Variants in CNTNAP2 observed in about 807,000 individuals in gnomAD.
CNTNAP2 encodes the protein contactin-associated protein-like 2.
In CNTNAP2, 98 loss-of-function variants were observed where a neutral mutation model predicts 155.2. That is an observed-to-expected ratio of 0.63 (90% CI 0.54 to 0.75). The LOEUF (loss-of-function observed/expected upper bound fraction) is 0.75, where lower values mean the gene tolerates loss of function less well. Ranked by LOEUF, CNTNAP2 falls within the 30% of genes least tolerant of loss-of-function variation. CNTNAP2 has a pLI of 0.00. For synonymous variants in CNTNAP2, 651 were observed against 631.2 expected (o/e 1.03, Z -0.47); for missense variants, 1,727 against 1,688.1 (o/e 1.02, Z -0.40).
At chr7:146,436,394 A>G (rs536875920) in intron 1 of CNTNAP2, among the ~76,000 whole-genome samples, 2 of 152,162 alleles carry the variant, frequency 1.3e-5, no homozygotes, top group African/African-American at 4.8e-5. Context: ...TGGATTCATA[A>G]TTTTTCACAT....
intron 14 of CNTNAP2, among the ~76,000 whole-genome samples, chr7:147,926,255 A>T (rs940016953): frequency 2.0e-5 from 3 of 152,220 alleles, no homozygotes; most frequent in Non-Finnish European, 4.4e-5. Flanking sequence ...CTCATCCTCC[A>T]TGATGGACCT....
intron 1 of CNTNAP2, among the ~76,000 whole-genome samples, chr7:146,169,479 G>A (rs893892703): frequency 4.6e-5 from 7 of 152,084 alleles, no homozygotes; most frequent in East Asian, 1.9e-4. Context: ...GTTATCTCAC[G>A]TAGTTACCTT....
intron 1 of CNTNAP2, among the ~76,000 whole-genome samples, chr7:146,678,872 T>C (rs1042100047): frequency 1.3e-5 from 2 of 152,192 alleles, no homozygotes; most frequent in Admixed American, 6.5e-5. Context: ...ATACTTATAA[T>C]AAATAATTTG....
chr7:147,811,882 C>T (rs1229896588), intron 13 of CNTNAP2, among the ~76,000 whole-genome samples: 2 of 152,132 alleles, frequency 1.3e-5, no homozygotes, highest in African/African-American at 2.4e-5. Context: ...GTAGAAGAAT[C>T]TCCATGTGGG....
At chr7:146,612,024 C>T (rs1163317611) in intron 1 of CNTNAP2, among the ~76,000 whole-genome samples, 1 of 152,152 alleles carries the variant, frequency 6.6e-6, no homozygotes, top group Non-Finnish European at 1.5e-5. Context: ...GTGTAACTAA[C>T]ACTATCTACA....
intron 13 of CNTNAP2, among the ~76,000 whole-genome samples, chr7:147,850,810 A>C (rs562049272): frequency 6.6e-6 from 1 of 152,364 alleles, no homozygotes; most frequent in East Asian, 1.9e-4. Flanking sequence ...ACCTAAAACC[A>C]TAAAAACTCT....
intron 13 of CNTNAP2, among the ~76,000 whole-genome samples, chr7:147,797,675 A>T (rs936918231): frequency 6.6e-6 from 1 of 152,212 alleles, no homozygotes; most frequent in Non-Finnish European, 1.5e-5. Flanking sequence ...GAGGAATGTA[A>T]TGTAATGCAA....
intron 1 of CNTNAP2, among the ~76,000 whole-genome samples, chr7:146,623,938 G>C (rs1422596481): frequency 6.6e-6 from 1 of 151,830 alleles, no homozygotes; most frequent in Non-Finnish European, 1.5e-5. Context: ...TAGTTTTGTG[G>C]ATGTTCGCCA....
At chr7:148,108,134 G>C (rs1440408244) in intron 15 of CNTNAP2, among the ~76,000 whole-genome samples, 1 of 152,148 alleles carries the variant, frequency 6.6e-6, no homozygotes, top group African/African-American at 2.4e-5. Flanking sequence ...CACCAGGCAG[G>C]GCCTCTACTT....
intron 1 of CNTNAP2, among the ~76,000 whole-genome samples, chr7:146,627,502 G>A (rs181041902): frequency 4.6e-5 from 7 of 152,096 alleles, no homozygotes; most frequent in Admixed American, 2.6e-4. Context: ...TCAAAGTTTA[G>A]AATATACTAA....
At chr7:147,728,206 T>C (rs1411465142) in intron 13 of CNTNAP2, among the ~76,000 whole-genome samples, 1 of 152,022 alleles carries the variant, frequency 6.6e-6, no homozygotes, top group Non-Finnish European at 1.5e-5. Context: ...TGATCAATTC[T>C]TTCAGCTTAG....
At chr7:146,918,787 A>G (rs1796444572) in intron 3 of CNTNAP2, among the ~76,000 whole-genome samples, 1 of 152,206 alleles carries the variant, frequency 6.6e-6, no homozygotes, top group African/African-American at 2.4e-5. Context: ...CCAAACTTTT[A>G]GATTTCTCTT....
chr7:148,264,850 A>G (rs1796638881), intron 20 of CNTNAP2, among the ~76,000 whole-genome samples: 2 of 152,136 alleles, frequency 1.3e-5, no homozygotes, highest in Non-Finnish European at 2.9e-5. Context: ...GAGTGCCACC[A>G]CACCCAGCTA....
intron 1 of CNTNAP2, among the ~76,000 whole-genome samples, chr7:146,702,306 A>C (rs1353840391): frequency 6.6e-6 from 1 of 152,192 alleles, no homozygotes; most frequent in African/African-American, 2.4e-5. Context: ...TCTATAGAAA[A>C]AAATTAAGTA....
chr7:147,403,692 T>C (rs185137256), intron 10 of CNTNAP2, among the ~76,000 whole-genome samples: 15 of 152,304 alleles, frequency 9.8e-5, no homozygotes, highest in Admixed American at 9.8e-4. Context: ...AGACTACTTT[T>C]CCAAAATTAA....
chr7:148,391,365 G>T (rs193183034), intron 22 of CNTNAP2, among the ~76,000 whole-genome samples: 1 of 152,244 alleles, frequency 6.6e-6, no homozygotes, highest in East Asian at 1.9e-4. Context: ...CAAGCGCTAG[G>T]GCCTAGCATG....
intron 3 of CNTNAP2, among the ~76,000 whole-genome samples, chr7:146,872,031 A>G (rs1795319988): frequency 6.6e-6 from 1 of 152,034 alleles, no homozygotes; most frequent in African/African-American, 2.4e-5. Context: ...ATTGCCTGCA[A>G]GCAATGTTGG....
chr7:146,252,143 C>A (rs994335080), intron 1 of CNTNAP2, among the ~76,000 whole-genome samples: 1 of 152,152 alleles, frequency 6.6e-6, no homozygotes, highest in African/African-American at 2.4e-5. Flanking sequence ...CACATTGAAA[C>A]CTTTTGCTTA....
chr7:147,401,489 A>G (rs959597737), intron 10 of CNTNAP2, among the ~76,000 whole-genome samples: 1 of 152,170 alleles, frequency 6.6e-6, no homozygotes, highest in Non-Finnish European at 1.5e-5. Context: ...TTTTCATAAG[A>G]ACATTTAAAT....
Sources: allele counts gnomAD v4.1 joint callset (sites outside exome capture counted in the v4.1 genomes callset), GRCh38; gene constraint gnomAD v4.1.1; transcripts MANE v1.5; gene names NCBI Gene and HGNC (gene_info 2026-07-23, HGNC 2026-07-21).